The following FREM2 variants were observed in gnomAD, a reference collection of about 807,000 sequenced individuals.
The protein encoded by FREM2 is FRAS1 related extracellular matrix 2, also known as FRAS1-related extracellular matrix protein 2.
Under a neutral mutation model 219.9 loss-of-function variants are expected in FREM2, and 119 were observed. The observed-to-expected ratio is 0.54, with a 90% confidence interval of 0.47 to 0.63. The LOEUF (loss-of-function observed/expected upper bound fraction) is 0.63. Ranked by LOEUF, FREM2 falls within the 30% of genes least tolerant of loss-of-function variation. The pLI is 0.00. For synonymous variants in FREM2, 1,562 were observed against 1,522.8 expected, an observed-to-expected ratio of 1.03 and a Z score of -0.60; for missense variants, 4,030 against 3,993.6, an observed-to-expected ratio of 1.01 and a Z score of -0.25.
At chr13:38,856,699 G>C (rs569630538) in intron 12 of FREM2, among the ~76,000 whole-genome samples, 45 of 138,854 alleles carry the variant, frequency 3.2e-4, no homozygotes, top group African/African-American at 1.3e-3. Context: ...GGCTTTATCA[G>C]AATTTGATGT....
At chr13:38,854,832 A>G (rs2137915407) in intron 11 of FREM2, among the ~76,000 whole-genome samples, 1 of 152,330 alleles carries the variant, frequency 6.6e-6, no homozygotes, top group South Asian at 2.1e-4. Flanking sequence ...CAGAAAAAGG[A>G]AAATGCACTG....
chr13:38,709,621 C>T (rs1022951720), intron 2 of FREM2, among the ~76,000 whole-genome samples: 12 of 151,900 alleles, frequency 7.9e-5, no homozygotes, highest in African/African-American at 2.9e-4. Flanking sequence ...TATGAGAATG[C>T]TTATAAGTGC....
rs112010345 is a variant in FREM2 at position 38,744,534 on chromosome 13, C to G, written c.5264-19770C>G. 2.4e-3 allele frequency among the ~76,000 whole-genome samples: 362 copies of G among 152,076 alleles called. 1 individual carries two copies. Among genetic ancestry groups the G allele is most frequent in the African/African-American group, 8.2e-3 (339 of 41,446 alleles). On this transcript the variant is annotated intron_variant, in intron 2 of 23. Coordinates refer to ENST00000280481, the MANE Select transcript of FREM2 (RefSeq NM_207361.6). ...AGATGGAGTTTTGGTCTTGTCAACC[C>G]AGGCTGGAGCGCAGTGGCGTGATCT...
At chr13:38,713,661 C>T (rs919486263) in intron 2 of FREM2, among the ~76,000 whole-genome samples, 2 of 152,210 alleles carry the variant, frequency 1.3e-5, no homozygotes, top group African/African-American at 4.8e-5. Flanking sequence ...TTTCACAAGA[C>T]AACCTACATA....
chr13:38,791,663 C>G (rs1237909104), intron 6 of FREM2, among the ~76,000 whole-genome samples: 2 of 152,106 alleles, frequency 1.3e-5, no homozygotes, highest in Non-Finnish European at 2.9e-5. Flanking sequence ...ATCACAAGAA[C>G]AGTATAGGGG....
intron 2 of FREM2, among the ~76,000 whole-genome samples, chr13:38,733,661 C>A (rs548001405): frequency 6.6e-6 from 1 of 152,048 alleles, no homozygotes; most frequent in South Asian, 2.1e-4. Context: ...CTTTGTCTTA[C>A]TGTTTATTTT....
intron 18 of FREM2, 34 bp downstream of exon 18, chr13:38,874,620 A>G: frequency 6.6e-7 from 1 of 1,525,580 alleles, no homozygotes; most frequent in Non-Finnish European, 9.1e-7. Context: ...ACCACTCCTC[A>G]CACAAAAAGG....
At chr13:38,752,073 C>T (rs772627769) in intron 2 of FREM2, among the ~76,000 whole-genome samples, 22 of 152,166 alleles carry the variant, frequency 1.4e-4, no homozygotes, top group Non-Finnish European at 1.9e-4. Context: ...AAGCTAGCTT[C>T]GCAAAACTAA....
intron 1 of FREM2, among the ~76,000 whole-genome samples, chr13:38,695,506 A>G (rs563501949): frequency 2.0e-5 from 3 of 152,318 alleles, no homozygotes; most frequent in Non-Finnish European, 4.4e-5. Context: ...AACGATTACA[A>G]TTTCGCTTAA....
chr13:38,705,362 G>A (rs865824096), intron 2 of FREM2, among the ~76,000 whole-genome samples: 1 of 152,164 alleles, frequency 6.6e-6, no homozygotes, highest in South Asian at 2.1e-4. Flanking sequence ...TAGACTAGAG[G>A]GGCATGGACT....
chr13:38,746,157 C>A (rs188238622), intron 2 of FREM2, among the ~76,000 whole-genome samples: 179 of 152,250 alleles, frequency 1.2e-3, no homozygotes, highest in African/African-American at 4.1e-3. Context: ...GGTCTTTAGA[C>A]CACTTATGCT....
In FREM2 at chr13:38,689,397, G is replaced by A. The variant is rs773636566; in HGVS notation, c.2053G>A (p.Gly685Arg). Residue 685 changes from glycine to arginine, a missense_variant, in exon 1 of 24, where the codon GGG becomes AGG. Gly to Arg is a moderately radical substitution (Grantham distance 125). Coordinates refer to ENST00000280481, the MANE Select transcript of FREM2 (RefSeq NM_207361.6). ...QDNHDPPNQS[G>R]LQRFVIRIHP... ...TAACCATGACCCTCCTAATCAGTCC[G>A]GGCTACAGCGGTTTGTGATTCGTAT... The A allele has an allele frequency of 1.8e-5, 29 of 1,613,838 alleles. 1 individual carries two copies. The highest frequency in any genetic ancestry group is 3.3e-4 in the Middle Eastern group (2 of 6,084).
At position 38,691,154 on chromosome 13, in the gene FREM2, C is replaced by T. The variant is rs781287240; in HGVS notation, c.3810C>T (p.Ser1270=). 15 of 1,613,782 alleles carry T rather than the reference C, an allele frequency of 9.3e-6. No individual in the cohort carries two copies. Among genetic ancestry groups the T allele is most frequent in the African/African-American group, 4.0e-5 (3 of 74,828 alleles). The part of the protein sequence containing the change: ...SSSIIYEHDD[S]ETQEDSFVIK... ...GCATTATTTATGAGCATGATGACTC[C>T]GAGACCCAGGAAGACAGTTTTGTGA... The change falls in exon 1 of 24, where the codon TCC becomes TCT. Residue 1270 remains serine, a synonymous_variant. Transcript: ENST00000280481.
At chr13:38,843,631 C>G (rs1178200122) in intron 6 of FREM2, among the ~76,000 whole-genome samples, 3 of 152,142 alleles carry the variant, frequency 2.0e-5, no homozygotes, top group Admixed American at 6.6e-5. Flanking sequence ...GAACATCTTG[C>G]TATTTTCCTT....
Position 38,691,648 on chromosome 13 carries a change from G to T in FREM2, c.4304G>T (p.Gly1435Val). The T allele has an allele frequency of 6.2e-7, 1 of 1,614,086 alleles. No individual in the cohort carries two copies. The highest frequency in any genetic ancestry group is 1.1e-5 in the South Asian group (1 of 91,074). ...AAGGGAGTGTCCTTGAAAGAAGGTG[G>T]CAAAGTCACTCTTACAACAGACCTA... ...ISKGVSLKEG[G>V]KVTLTTDLLS... Residue 1435 changes from glycine (G) to valine (V), a missense_variant, in exon 1 of 24, where the codon GGC becomes GTC. Gly to Val is a moderately radical substitution (Grantham distance 109). Transcript: ENST00000280481.
rs200275335 is a variant in FREM2, at chr13:38,875,195, A to AT, written c.8281+615dup. 4.6e-4 allele frequency among the ~76,000 whole-genome samples: 70 copies of AT among 151,622 alleles called. 2 individuals carry two copies. The East Asian group carries it at 0.013, about 29-fold the overall frequency. On this transcript the variant is annotated intron_variant, in intron 18 of 23. Transcript: ENST00000280481. Reference sequence around the variant, plus strand: ...AAGGACATTTCACTAGAAAGAGCTTATTTTTTATTTGACTCTCCATATTAC... The same window carrying AT: ...AAGGACATTTCACTAGAAAGAGCTTATTTTTTTATTTGACTCTCCATATTAC...
intron 16 of FREM2, among the ~76,000 whole-genome samples, chr13:38,869,265 C>T (rs938027004): frequency 5.3e-5 from 8 of 152,192 alleles, no homozygotes; most frequent in African/African-American, 1.7e-4. Context: ...TCTGCCTTCT[C>T]CAACCTCCCA....
At chr13:38,782,958 G>T (rs988130301) in intron 4 of FREM2, 112 bp from the exon 5 acceptor site, 2 of 1,313,534 alleles carry the variant, frequency 1.5e-6, no homozygotes, top group African/African-American at 2.9e-5. Flanking sequence ...TTATTCTAAA[G>T]AATATTCAAG....
At chr13:38,753,510 A>C (rs890901901) in intron 2 of FREM2, among the ~76,000 whole-genome samples, 1 of 152,230 alleles carries the variant, frequency 6.6e-6, no homozygotes, top group African/African-American at 2.4e-5. Context: ...ATCCGTTTAT[A>C]TTATTCACAC....
Sources: allele counts gnomAD v4.1 joint callset (sites outside exome capture counted in the v4.1 genomes callset), GRCh38; gene constraint gnomAD v4.1.1; transcripts MANE v1.5; gene names NCBI Gene and HGNC (gene_info 2026-07-23, HGNC 2026-07-21).